NKAIN2: variants seen among roughly 807,000 people sequenced by gnomAD.
NKAIN2 encodes sodium/potassium-transporting ATPase subunit beta-1-interacting protein 2.
Under a neutral mutation model 32.6 loss-of-function variants are expected in NKAIN2, and 14 were observed. The observed-to-expected ratio is 0.43, with a 90% CI of 0.28 to 0.67. The LOEUF (loss-of-function observed/expected upper bound fraction) is 0.67, where lower values mean the gene tolerates loss of function less well. Among genes scored for constraint, NKAIN2 ranks in the 30% least tolerant of loss-of-function variants. The pLI is 0.17. For synonymous variants in NKAIN2, 80 were observed against 87.2 expected, an observed-to-expected ratio of 0.92 and a Z score of 0.46; for missense variants, 198 against 258.3, an observed-to-expected ratio of 0.77 and a Z score of 1.60.
chr6:124,406,153 A>G (rs1034233971), intron 3 of NKAIN2, among the ~76,000 whole-genome samples: 12 of 152,186 alleles, frequency 7.9e-5, no homozygotes, highest in African/African-American at 2.4e-4. Flanking sequence ...TTAAGAAACC[A>G]TCACCAAAAT....
intron 3 of NKAIN2, among the ~76,000 whole-genome samples, chr6:124,530,591 G>C (rs1779486450): frequency 6.6e-6 from 1 of 152,162 alleles, no homozygotes; most frequent in African/African-American, 2.4e-5. Context: ...AGACATATAA[G>C]GAGAGCTATT....
chr6:123,966,229 G>A (rs944061375), intron 1 of NKAIN2, among the ~76,000 whole-genome samples: 13 of 152,162 alleles, frequency 8.5e-5, no homozygotes, highest in Non-Finnish European at 1.6e-4. Context: ...TAGGAATGCA[G>A]GGATACTCTT....
chr6:124,746,114 C>T (rs1389235034), intron 4 of NKAIN2, among the ~76,000 whole-genome samples: 1 of 151,810 alleles, frequency 6.6e-6, no homozygotes, highest in Non-Finnish European at 1.5e-5. Context: ...ATGTGGCACC[C>T]CTGCTTTTGA....
intron 3 of NKAIN2, among the ~76,000 whole-genome samples, chr6:124,532,282 A>T (rs1391975844): frequency 6.6e-6 from 1 of 151,992 alleles, no homozygotes; most frequent in Non-Finnish European, 1.5e-5. Context: ...AGGCATAGGG[A>T]GTGTTCACTC....
intron 3 of NKAIN2, among the ~76,000 whole-genome samples, chr6:124,366,286 T>C (rs1307704931): frequency 9.2e-5 from 14 of 152,090 alleles, no homozygotes; most frequent in Non-Finnish European, 1.9e-4. Flanking sequence ...AATAACTCTA[T>C]AGATGATTGG....
intron 1 of NKAIN2, among the ~76,000 whole-genome samples, chr6:124,131,225 A>T (rs572948420): frequency 1.9e-4 from 29 of 152,104 alleles, no homozygotes; most frequent in Non-Finnish European, 4.4e-5. Context: ...GCTCACTGCA[A>T]CCTCTGCCTC....
At chr6:124,480,823 A>C (rs536331362) in intron 3 of NKAIN2, among the ~76,000 whole-genome samples, 1 of 152,250 alleles carries the variant, frequency 6.6e-6, no homozygotes, top group South Asian at 2.1e-4. Context: ...TATTATCTGT[A>C]ACAAATTTCT....
At chr6:124,323,654 G>T (rs571463315) in intron 2 of NKAIN2, among the ~76,000 whole-genome samples, 1 of 152,008 alleles carries the variant, frequency 6.6e-6, no homozygotes, top group Admixed American at 6.6e-5. Flanking sequence ...CTATATGTCA[G>T]TCTCTCTGCC....
intron 1 of NKAIN2, among the ~76,000 whole-genome samples, chr6:124,034,494 T>C (rs6569374): frequency 0.12 from 18,692 of 152,074 alleles, 3,510 homozygotes; most frequent in African/African-American, 0.41. Context: ...TGTATATGAA[T>C]CACATTTTTA....
intron 3 of NKAIN2, among the ~76,000 whole-genome samples, chr6:124,493,733 A>C (rs1777961383): frequency 7.6e-6 from 1 of 132,408 alleles, no homozygotes; most frequent in African/African-American, 2.7e-5. Flanking sequence ...AAAAAAAAAA[A>C]AAAAAAACAG....
chr6:123,850,977 A>G (rs940187235), intron 1 of NKAIN2, among the ~76,000 whole-genome samples: 1 of 152,166 alleles, frequency 6.6e-6, no homozygotes, highest in African/African-American at 2.4e-5. Flanking sequence ...TATTTCACTT[A>G]ACAGTGTTCT....
At chr6:124,626,591 C>T (rs1401007537) in intron 3 of NKAIN2, among the ~76,000 whole-genome samples, 1 of 152,096 alleles carries the variant, frequency 6.6e-6, no homozygotes, top group Non-Finnish European at 1.5e-5. Flanking sequence ...TTAAATGCTT[C>T]CCACATGCAA....
chr6:124,341,435 C>A (rs1798108938), intron 2 of NKAIN2, among the ~76,000 whole-genome samples: 1 of 152,082 alleles, frequency 6.6e-6, no homozygotes, highest in South Asian at 2.1e-4. Context: ...TAAAATGATA[C>A]AGATGATTAC....
intron 1 of NKAIN2, among the ~76,000 whole-genome samples, chr6:123,919,752 A>C (rs1031869374): frequency 6.6e-6 from 1 of 152,126 alleles, no homozygotes; most frequent in Non-Finnish European, 1.5e-5. Context: ...TCACCTACCA[A>C]ATCATCAAAT....
chr6:124,401,681 T>C (rs1197695606), intron 3 of NKAIN2, among the ~76,000 whole-genome samples: 1 of 152,232 alleles, frequency 6.6e-6, no homozygotes, highest in African/African-American at 2.4e-5. Flanking sequence ...TTACTCGTGA[T>C]GCATAACACC....
chr6:124,429,488 T>A (rs1385336490), intron 3 of NKAIN2, among the ~76,000 whole-genome samples: 1 of 152,248 alleles, frequency 6.6e-6, no homozygotes, highest in African/African-American at 2.4e-5. Flanking sequence ...ATACTTCTGT[T>A]GTGGCTAGCC....
chr6:124,110,092 A>G (rs1229289454), intron 1 of NKAIN2, among the ~76,000 whole-genome samples: 1 of 149,918 alleles, frequency 6.7e-6, no homozygotes, highest in Non-Finnish European at 1.5e-5. Flanking sequence ...TGATATCAGG[A>G]TAATTACCAG....
At chr6:123,985,680 A>T (rs539198470) in intron 1 of NKAIN2, among the ~76,000 whole-genome samples, 1 of 152,296 alleles carries the variant, frequency 6.6e-6, no homozygotes, top group East Asian at 1.9e-4. Context: ...TGGCAAAGAG[A>T]CCTATGAAAC....
chr6:124,231,301 G>A (rs1792447603), intron 1 of NKAIN2, among the ~76,000 whole-genome samples: 1 of 152,164 alleles, frequency 6.6e-6, no homozygotes, highest in South Asian at 2.1e-4. Context: ...GATTTTACAG[G>A]CTCATAGGCG....
Sources: gnomAD v4.1 joint callset for allele counts (sites outside exome capture counted in the v4.1 genomes callset) on GRCh38, gnomAD v4.1.1 for gene constraint, MANE v1.5 for transcripts, NCBI Gene and HGNC (gene_info 2026-07-23, HGNC 2026-07-21) for gene names.